ST3GAL1: variants seen among roughly 807,000 people sequenced by gnomAD.
The protein encoded by ST3GAL1 is ST3 beta-galactoside alpha-2,3-sialyltransferase 1, also known as CMP-N-acetylneuraminate-beta-galactosamide-alpha-2,3-sialyltransferase 1.
ST3GAL1 carries 16 observed loss-of-function variants against 34.1 expected under a neutral mutation model. The observed-to-expected ratio is 0.47, with a 90% CI of 0.32 to 0.71. The LOEUF is 0.71. Ranked by LOEUF, ST3GAL1 falls within the 30% of genes least tolerant of loss-of-function variation. ST3GAL1 has a pLI of 0.04. For missense variants in ST3GAL1, 353 were observed against 447.4 expected, an observed-to-expected ratio of 0.79 and a Z score of 1.90; for synonymous variants, 191 against 184.7, an observed-to-expected ratio of 1.03 and a Z score of -0.28.
At chr8:133,470,944 A>G (rs16904929) in intron 5 of ST3GAL1, among the ~76,000 whole-genome samples, 13,592 of 152,154 alleles carry the variant, frequency 0.089, 658 homozygotes, top group Admixed American at 0.16. Flanking sequence ...GATGGCTGGA[A>G]GTCCTCCCTA....
intron 2 of ST3GAL1, among the ~76,000 whole-genome samples, chr8:133,527,606 G>T (rs1455398041): frequency 6.6e-6 from 1 of 152,132 alleles, no homozygotes; most frequent in South Asian, 2.1e-4. Flanking sequence ...CACAACCTAG[G>T]TTGTCATGAC....
chr8:133,475,627 C>G, intron 5 of ST3GAL1, 92 bp downstream of exon 5: 1 of 1,409,234 alleles, frequency 7.1e-7, no homozygotes, highest in Non-Finnish European at 9.3e-7. Context: ...AGGCCTCCCA[C>G]TCTTATCCAG....
intron 2 of ST3GAL1, among the ~76,000 whole-genome samples, chr8:133,531,209 T>C (rs1818141502): frequency 6.6e-6 from 1 of 152,178 alleles, no homozygotes; most frequent in South Asian, 2.1e-4. Context: ...TTGGTTTTAG[T>C]ATATGTAATA....
At chr8:133,557,940 AGG>A (rs1003722512) in intron 1 of ST3GAL1, among the ~76,000 whole-genome samples, 1 of 149,842 alleles carries the variant, frequency 6.7e-6, no homozygotes, top group Non-Finnish European at 1.5e-5. Context: ...CAGTGTCTTG[AGG>A]TCCCCCTCAT....
At chr8:133,526,266 C>T (rs1563727306) in intron 2 of ST3GAL1, among the ~76,000 whole-genome samples, 1 of 152,150 alleles carries the variant, frequency 6.6e-6, no homozygotes, top group African/African-American at 2.4e-5. Context: ...GACACTAGAG[C>T]CCCCACCCTC....
At chr8:133,562,130 T>C (rs1272090433) in intron 1 of ST3GAL1, among the ~76,000 whole-genome samples, 1 of 151,816 alleles carries the variant, frequency 6.6e-6, no homozygotes, top group Non-Finnish European at 1.5e-5. Flanking sequence ...AAATGATAAT[T>C]TCAGACACAC....
At chr8:133,541,120 T>TATATATATAGAGAGAGAGAGAGAGAG (rs71299078) in intron 2 of ST3GAL1, among the ~76,000 whole-genome samples, 2 of 48,644 alleles carry the variant, frequency 4.1e-5, no homozygotes, top group Admixed American at 2.2e-4. Flanking sequence ...TATATATATA[T>TATATATATAGAGAGAGAGAGAGAGAG]AGAGAGAGAG....
chr8:133,482,757 T>G (rs918602880), intron 3 of ST3GAL1, among the ~76,000 whole-genome samples: 5 of 152,262 alleles, frequency 3.3e-5, no homozygotes, highest in Non-Finnish European at 7.3e-5. Flanking sequence ...CAGTAAATCT[T>G]GGATACTTAA....
intron 2 of ST3GAL1, among the ~76,000 whole-genome samples, chr8:133,528,831 G>A (rs942987011): frequency 6.6e-6 from 1 of 152,210 alleles, no homozygotes; most frequent in African/African-American, 2.4e-5. Context: ...TCCACCCCAG[G>A]GCTTTGCATT....
intron 5 of ST3GAL1, among the ~76,000 whole-genome samples, chr8:133,472,988 G>A (rs1372806200): frequency 6.6e-6 from 1 of 152,120 alleles, no homozygotes; most frequent in Non-Finnish European, 1.5e-5. Context: ...CATGTAACAC[G>A]AAGGAGGCTG....
At chr8:133,527,388 G>T (rs1164529615) in intron 2 of ST3GAL1, among the ~76,000 whole-genome samples, 2 of 152,106 alleles carry the variant, frequency 1.3e-5, no homozygotes, top group African/African-American at 2.4e-5. Flanking sequence ...GAGGTGGTGG[G>T]GTGAGAAGTG....
Position 133,475,865 on chromosome 8 carries a change from T to C in ST3GAL1, c.160A>G (p.Ile54Val). Reference sequence around the variant, plus strand: ...GTGCAGGTGCAAGGCCTGTGCTTGATCAGTCTCTTCAGGTTCTCGGAGAGC... The same window carrying C: ...GTGCAGGTGCAAGGCCTGTGCTTGACCAGTCTCTTCAGGTTCTCGGAGAGC... ...LELSENLKRL[I>V]KHRPCTCTHC... The change falls in exon 5 of 10, where the codon ATC becomes GTC. Residue 54 changes from isoleucine to valine, a missense_variant. Transcript: ENST00000522652. 6.2e-7 allele frequency: 1 copy of C among 1,614,058 alleles called. No homozygotes were observed. The highest frequency in any genetic ancestry group is 2.2e-5 in the East Asian group (1 of 44,860).
At chr8:133,551,614 G>GAA (rs1399704277) in intron 1 of ST3GAL1, among the ~76,000 whole-genome samples, 83 of 142,384 alleles carry the variant, frequency 5.8e-4, no homozygotes, top group African/African-American at 2.0e-3. Flanking sequence ...AAGAAAGAAA[G>GAA]AAAGAGCGAG....
chr8:133,523,992 A>G (rs760290507), intron 2 of ST3GAL1, among the ~76,000 whole-genome samples: 9 of 152,186 alleles, frequency 5.9e-5, no homozygotes, highest in Non-Finnish European at 1.3e-4. Flanking sequence ...GTCAGGGCCA[A>G]CTCAACTCAA....
chr8:133,471,189 A>G (rs1815942710), intron 5 of ST3GAL1, among the ~76,000 whole-genome samples: 1 of 152,154 alleles, frequency 6.6e-6, no homozygotes, highest in African/African-American at 2.4e-5. Context: ...TTTGGCATCC[A>G]AGCAGCAGAC....
chr8:133,564,968 T>C (rs1280746432), intron 1 of ST3GAL1, among the ~76,000 whole-genome samples: 1 of 152,246 alleles, frequency 6.6e-6, no homozygotes. Context: ...ATGGATCTTC[T>C]TACTTTACTA....
At chr8:133,504,764 G>A (rs1041446883) in intron 2 of ST3GAL1, among the ~76,000 whole-genome samples, 2 of 152,192 alleles carry the variant, frequency 1.3e-5, no homozygotes, top group Non-Finnish European at 2.9e-5. Context: ...GAGGAGGTCA[G>A]ACTGGCAACT....
At position 133,556,917 on chromosome 8, in the gene ST3GAL1, C is replaced by T. The variant is rs1170332292; in HGVS notation, c.-581-10991G>A. ...GGTGCTATTAATGCAGGCAGGGAGA[C>T]CAGATATACTGGGTCTCGAGCCTTT... On this transcript the variant is annotated intron_variant, in intron 1 of 9. Coordinates refer to ENST00000522652, the MANE Select transcript of ST3GAL1 (RefSeq NM_173344.3). This position sits in a 1 kb window ranked among gnomAD's most constrained non-coding sequence, Gnocchi z 8.9. 6.6e-6 allele frequency among the ~76,000 whole-genome samples: 1 copy of T among 152,000 alleles called. No individual in the cohort carries two copies. The highest frequency in any genetic ancestry group is 1.5e-5 in the Non-Finnish European group (1 of 68,010).
intron 6 of ST3GAL1, 120 bp downstream of exon 6, chr8:133,465,773 TG>T: frequency 9.1e-7 from 1 of 1,099,986 alleles, no homozygotes; most frequent in Non-Finnish European, 1.3e-6. Flanking sequence ...CTGGGGTCCC[TG>T]GGTAAGTTCA....
Sources: gnomAD v4.1 joint callset for allele counts (sites outside exome capture counted in the v4.1 genomes callset) on GRCh38, gnomAD v4.1.1 for gene constraint, Gnocchi (gnomAD v3.1) non-coding constraint, MANE v1.5 for transcripts, NCBI Gene and HGNC (gene_info 2026-07-23, HGNC 2026-07-21) for gene names.